Variants in PDE10A observed in about 807,000 individuals in gnomAD.
PDE10A encodes the protein cAMP and cAMP-inhibited cGMP 3',5'-cyclic phosphodiesterase 10A.
A neutral mutation model predicts 97.7 loss-of-function variants in PDE10A; 39 were observed. The ratio of observed to expected loss-of-function variants is 0.40; its 90% CI spans 0.31 to 0.52. The LOEUF (loss-of-function observed/expected upper bound fraction) is 0.52. PDE10A is among the 20% of genes least tolerant of loss of function. The pLI is 0.56. For missense variants in PDE10A, 731 were observed against 1,047.8 expected, an observed-to-expected ratio of 0.70 and a Z score of 4.17; for synonymous variants, 371 against 376.8, an observed-to-expected ratio of 0.98 and a Z score of 0.18.
chr6:165,913,388 A>G (rs1043946127), intron 1 of PDE10A, among the ~76,000 whole-genome samples: 2 of 152,130 alleles, frequency 1.3e-5, no homozygotes, highest in Non-Finnish European at 2.9e-5. Flanking sequence ...AGTCCCTGAT[A>G]TAAAATGGTG....
intron 1 of PDE10A, among the ~76,000 whole-genome samples, chr6:165,695,074 G>A (rs893098492): frequency 6.6e-6 from 1 of 152,010 alleles, no homozygotes. Flanking sequence ...TTTCTATATA[G>A]AGACATAAGA....
intron 1 of PDE10A, among the ~76,000 whole-genome samples, chr6:165,583,693 T>G (rs1198765527): frequency 6.6e-6 from 1 of 152,060 alleles, no homozygotes; most frequent in African/African-American, 2.4e-5. Context: ...CAGCAGCAGG[T>G]AGGTGGGATA....
intron 1 of PDE10A, among the ~76,000 whole-genome samples, chr6:165,789,984 T>C (rs1476805826): frequency 6.6e-6 from 1 of 152,008 alleles, no homozygotes. Flanking sequence ...AAAGGCCACA[T>C]TTGGGGAACT....
intron 1 of PDE10A, among the ~76,000 whole-genome samples, chr6:165,759,158 C>G (rs965770236): frequency 3.3e-5 from 5 of 152,192 alleles, no homozygotes; most frequent in Admixed American, 1.3e-4. Context: ...ATATGAGGGA[C>G]TCTTTTCTGG....
intron 18 of PDE10A, among the ~76,000 whole-genome samples, chr6:165,358,189 C>T (rs969278414): frequency 2.4e-4 from 37 of 152,166 alleles, no homozygotes; most frequent in Non-Finnish European, 4.1e-4. Context: ...AGACTTCAAT[C>T]TTTTGAAATT....
intron 1 of PDE10A, among the ~76,000 whole-genome samples, chr6:165,839,859 G>GACA (rs1562762474): frequency 1.7e-3 from 21 of 12,484 alleles, no homozygotes; most frequent in African/African-American, 2.7e-3. Flanking sequence ...CTCCATCCCT[G>GACA]TCTCCATTCC....
At chr6:165,814,819 G>A (rs1486590166) in intron 1 of PDE10A, among the ~76,000 whole-genome samples, 5 of 151,978 alleles carry the variant, frequency 3.3e-5, no homozygotes, top group South Asian at 4.1e-4. Flanking sequence ...TTCTCGAGAC[G>A]TCACTCTGCG....
At chr6:165,404,661 A>C (rs958836808) in intron 13 of PDE10A, among the ~76,000 whole-genome samples, 1 of 152,130 alleles carries the variant, frequency 6.6e-6, no homozygotes, top group Admixed American at 6.5e-5. Context: ...GTAAACAAGT[A>C]AACGATGACC....
At chr6:165,855,319 G>C (rs988134224) in intron 1 of PDE10A, among the ~76,000 whole-genome samples, 2 of 92,414 alleles carry the variant, frequency 2.2e-5, no homozygotes, top group African/African-American at 4.1e-5. Flanking sequence ...GGGGGGGGGG[G>C]ACTCAGGGGC....
intron 2 of PDE10A, among the ~76,000 whole-genome samples, chr6:165,500,869 G>A (rs1296387858): frequency 6.6e-6 from 1 of 152,136 alleles, no homozygotes; most frequent in Non-Finnish European, 1.5e-5. Context: ...GGTGAGACAT[G>A]CTGAAGGCAA....
intron 3 of PDE10A, among the ~76,000 whole-genome samples, chr6:165,457,111 A>T (rs1389470027): frequency 6.6e-6 from 1 of 152,214 alleles, no homozygotes; most frequent in Non-Finnish European, 1.5e-5. Context: ...CTTCTATGGA[A>T]ACCCCATGAT....
intron 1 of PDE10A, among the ~76,000 whole-genome samples, chr6:165,965,293 G>A (rs1308249120): frequency 1.3e-5 from 2 of 152,094 alleles, no homozygotes; most frequent in African/African-American, 4.8e-5. Context: ...AAGTTTCCGG[G>A]CTGGGTAGCG....
At chr6:165,506,251 C>G (rs73037877) in intron 2 of PDE10A, among the ~76,000 whole-genome samples, 9,307 of 152,112 alleles carry the variant, frequency 0.061, 488 homozygotes, top group East Asian at 0.24. Flanking sequence ...TTTGAATACA[C>G]GTATAACATT....
At chr6:165,970,641 G>A (rs200609071) in intron 1 of PDE10A, among the ~76,000 whole-genome samples, 4 of 152,130 alleles carry the variant, frequency 2.6e-5, no homozygotes, top group African/African-American at 9.7e-5. Flanking sequence ...TTAGAGGAAA[G>A]AAGCCATATC....
chr6:165,917,016 G>A (rs1782624911), intron 1 of PDE10A, among the ~76,000 whole-genome samples: 1 of 152,096 alleles, frequency 6.6e-6, no homozygotes. Context: ...AAGACCTGTT[G>A]GGGTTGGGTA....
chr6:165,413,479 G>T (rs201207455), intron 13 of PDE10A, 22 bp downstream of exon 13: 6 of 1,529,628 alleles, frequency 3.9e-6, no homozygotes, highest in South Asian at 1.2e-5. Context: ...GTAAAAAATG[G>T]TATTTAATAA....
chr6:165,898,070 C>T (rs1218597080), intron 1 of PDE10A, among the ~76,000 whole-genome samples: 4 of 151,796 alleles, frequency 2.6e-5, no homozygotes, highest in Middle Eastern at 3.4e-3. Flanking sequence ...CTGTCTCCCC[C>T]TCCTACCTTG....
Position 165,684,155 on chromosome 6 carries a change from G to T in PDE10A, c.-614-140587C>A, listed in dbSNP as rs149340570. 6.0e-4 allele frequency among the ~76,000 whole-genome samples: 92 copies of T among 152,198 alleles called. No homozygotes were observed. In the Middle Eastern group the frequency reaches 0.01, roughly 17 times the overall value. On this transcript the variant is annotated intron_variant, in intron 1 of 19. Transcript: ENST00000366882. ...CTATTTCCTCCCCTGCCTCCTTCTT[G>T]TCTGTAATGCTTATCAGCACCTGGC...
chr6:165,649,362 G>C (rs1306489483), intron 1 of PDE10A, among the ~76,000 whole-genome samples: 1 of 152,158 alleles, frequency 6.6e-6, no homozygotes, highest in Admixed American at 6.5e-5. Context: ...CAAGGGGGAA[G>C]AGTCAGTGAG....
Sources: allele counts gnomAD v4.1 joint callset (sites outside exome capture counted in the v4.1 genomes callset), GRCh38; gene constraint gnomAD v4.1.1; transcripts MANE v1.5; gene names NCBI Gene and HGNC (gene_info 2026-07-23, HGNC 2026-07-21).